GRM3: variants seen among roughly 807,000 people sequenced by gnomAD.
GRM3 encodes glutamate metabotropic receptor 3.
GRM3 carries 26 observed loss-of-function variants against 70.5 expected under a neutral mutation model. The ratio of observed to expected loss-of-function variants is 0.37; its 90% CI spans 0.27 to 0.51. The LOEUF is 0.51. Ranked by LOEUF, GRM3 falls within the 20% of genes least tolerant of loss-of-function variation. The pLI, the probability that GRM3 is intolerant of heterozygous loss-of-function variation, is 0.93. For missense variants in GRM3, 859 were observed against 1,123.8 expected, an observed-to-expected ratio of 0.76 and a Z score of 3.37; for synonymous variants, 443 against 434.9, an observed-to-expected ratio of 1.02 and a Z score of -0.23.
intron 1 of GRM3, among the ~76,000 whole-genome samples, chr7:86,728,455 T>A (rs1015828552): frequency 4.6e-5 from 7 of 152,202 alleles, no homozygotes; most frequent in Non-Finnish European, 1.0e-4. Context: ...TCTTAAGAAC[T>A]TAGGAAACTA....
rs1793413963 is a variant in GRM3, at chr7:86,644,799, G to T, written c.-214G>T. 1 of 1,289,516 alleles carries T rather than the reference G, an allele frequency of 7.8e-7. No individual in the cohort carries two copies. The highest frequency in any genetic ancestry group is 2.3e-5 in the Admixed American group (1 of 43,554). The allele number at this position is 1,289,516 out of a possible 1,614,324, so 79.9% of individuals were successfully genotyped here. ...TGAGGAGGACCAACCATGAGCCAGA[G>T]CCCGGGTGCAGGCTCACCGCCGCCG... On this transcript the variant is annotated 5_prime_UTR_variant, in exon 1 of 6. Transcript: ENST00000361669.
At chr7:86,810,030 C>T (rs1207964234) in intron 3 of GRM3, among the ~76,000 whole-genome samples, 1 of 152,000 alleles carries the variant, frequency 6.6e-6, no homozygotes, top group African/African-American at 2.4e-5. Flanking sequence ...ATTTTAAAAT[C>T]GGATGAATAT....
rs116276162 is a variant in GRM3 at position 86,781,955 on chromosome 7, T to C, written c.469-4306T>C. 8.7e-3 allele frequency among the ~76,000 whole-genome samples: 1,321 copies of C among 152,244 alleles called. 15 individuals carry two copies. Among genetic ancestry groups the C allele is most frequent in the African/African-American group, 0.03 (1,229 of 41,556 alleles). On this transcript the variant is annotated intron_variant, in intron 2 of 5. Coordinates refer to ENST00000361669, the MANE Select transcript of GRM3 (RefSeq NM_000840.3). ...TGTCACCAATAACTTATTAAAGTCA[T>C]GGTCCTCCAGGCTGCAACTCTTCCT...
chr7:86,841,286 T>A (rs1369911930), intron 4 of GRM3, among the ~76,000 whole-genome samples: 1 of 152,164 alleles, frequency 6.6e-6, no homozygotes. Context: ...ATGGGCTACA[T>A]TAAGGGATGA....
At chr7:86,722,150 C>A (rs562431778) in intron 1 of GRM3, among the ~76,000 whole-genome samples, 1 of 152,082 alleles carries the variant, frequency 6.6e-6, no homozygotes, top group Non-Finnish European at 1.5e-5. Flanking sequence ...GACCCTTCCC[C>A]TTCCCACCAC....
chr7:86,808,171 A>G (rs532474538), intron 3 of GRM3, among the ~76,000 whole-genome samples: 40 of 152,146 alleles, frequency 2.6e-4, no homozygotes, highest in Non-Finnish European at 5.1e-4. Flanking sequence ...GGATTTTCGC[A>G]TCGATGTTCA....
chr7:86,834,259 A>G, intron 3 of GRM3, among the ~76,000 whole-genome samples: 1 of 152,140 alleles, frequency 6.6e-6, no homozygotes, highest in East Asian at 1.9e-4. Context: ...TTGCCTTTCA[A>G]TAATGTTTAC....
intron 4 of GRM3, among the ~76,000 whole-genome samples, chr7:86,842,779 G>A (rs1204425939): frequency 6.6e-6 from 1 of 152,034 alleles, no homozygotes; most frequent in Non-Finnish European, 1.5e-5. Flanking sequence ...AAGAATTCAA[G>A]AATTATAAAC....
intron 1 of GRM3, among the ~76,000 whole-genome samples, chr7:86,658,407 C>T (rs1023506682): frequency 6.6e-6 from 1 of 152,166 alleles, no homozygotes; most frequent in African/African-American, 2.4e-5. Context: ...CCCAGGCCTT[C>T]CCACAGGCTG....
chr7:86,790,581 A>T (rs1797384760), intron 3 of GRM3, among the ~76,000 whole-genome samples: 1 of 152,068 alleles, frequency 6.6e-6, no homozygotes, highest in African/African-American at 2.4e-5. Flanking sequence ...AGTGAAAGTC[A>T]ACAGCCTTAC....
At chr7:86,754,093 C>T (rs1450841790) in intron 1 of GRM3, among the ~76,000 whole-genome samples, 2 of 152,086 alleles carry the variant, frequency 1.3e-5, no homozygotes, top group Non-Finnish European at 2.9e-5. Context: ...TTTAACTTAT[C>T]AATGGCATTT....
intron 1 of GRM3, among the ~76,000 whole-genome samples, chr7:86,710,473 A>T (rs1421799581): frequency 6.7e-6 from 1 of 150,234 alleles, no homozygotes; most frequent in Non-Finnish European, 1.5e-5. Context: ...TAAAAAAAAA[A>T]ACTTGTATAA....
intron 3 of GRM3, among the ~76,000 whole-genome samples, chr7:86,792,538 C>T (rs1401384502): frequency 6.6e-6 from 1 of 152,094 alleles, no homozygotes; most frequent in Non-Finnish European, 1.5e-5. Flanking sequence ...GAGAACTTGA[C>T]ACAAAAGAAA....
chr7:86,850,331 T>A (rs759073587), intron 4 of GRM3, 39 bp from the exon 5 acceptor site: 1 of 1,488,694 alleles, frequency 6.7e-7, no homozygotes, highest in South Asian at 1.1e-5. Flanking sequence ...CTTGACTGAA[T>A]GTACAGCCAG....
At chr7:86,667,752 A>T (rs79571258) in intron 1 of GRM3, among the ~76,000 whole-genome samples, 4,936 of 152,172 alleles carry the variant, frequency 0.032, 257 homozygotes, top group African/African-American at 0.11. Flanking sequence ...TTGAAGAAAC[A>T]TTTCGGCCCT....
chr7:86,711,204 C>T (rs1795192586), intron 1 of GRM3, among the ~76,000 whole-genome samples: 1 of 151,424 alleles, frequency 6.6e-6, no homozygotes, highest in Non-Finnish European at 1.5e-5. Flanking sequence ...TATTATTATA[C>T]TTTAAGTTTT....
At chr7:86,732,232 A>G (rs1795751258) in intron 1 of GRM3, among the ~76,000 whole-genome samples, 1 of 152,234 alleles carries the variant, frequency 6.6e-6, no homozygotes. Context: ...TAAAAAGCAT[A>G]TGAGTTAGCA....
chr7:86,716,927 C>T (rs1409206690), intron 1 of GRM3, among the ~76,000 whole-genome samples: 1 of 151,830 alleles, frequency 6.6e-6, no homozygotes, highest in African/African-American at 2.4e-5. Context: ...CAAGTAGACA[C>T]CAGAACATAG....
At chr7:86,859,970 A>C (rs989464564) in intron 5 of GRM3, among the ~76,000 whole-genome samples, 1 of 152,184 alleles carries the variant, frequency 6.6e-6, no homozygotes, top group Admixed American at 6.5e-5. Context: ...TTTGTGATCA[A>C]TAGTGGAATT....
Sources: allele counts gnomAD v4.1 joint callset (sites outside exome capture counted in the v4.1 genomes callset), GRCh38; gene constraint gnomAD v4.1.1; transcripts MANE v1.5; gene names NCBI Gene and HGNC (gene_info 2026-07-23, HGNC 2026-07-21).